KCNH1: variants seen among roughly 807,000 people sequenced by gnomAD.
KCNH1 encodes voltage-gated delayed rectifier potassium channel KCNH1.
A neutral mutation model predicts 69.2 loss-of-function variants in KCNH1; 27 were observed. The ratio of observed to expected loss-of-function variants is 0.39; its 90% CI spans 0.29 to 0.54. The LOEUF is 0.54. KCNH1 is among the 20% of genes least tolerant of loss of function. KCNH1 has a pLI of 0.68. For missense variants in KCNH1, 798 were observed against 1,261.6 expected (o/e 0.63, Z 5.57); for synonymous variants, 456 against 487.7 (o/e 0.93, Z 0.86).
At chr1:210,954,207 C>T (rs943989238) in intron 6 of KCNH1, among the ~76,000 whole-genome samples, 2 of 152,162 alleles carry the variant, frequency 1.3e-5, no homozygotes, top group Non-Finnish European at 2.9e-5. Context: ...TTTCCAGCAT[C>T]GTCCATGTCC....
At chr1:210,963,981 A>G (rs1218594359) in intron 6 of KCNH1, among the ~76,000 whole-genome samples, 2 of 152,180 alleles carry the variant, frequency 1.3e-5, no homozygotes, top group African/African-American at 4.8e-5. Context: ...ACTCCAAGAC[A>G]CATAATTGTC....
intron 10 of KCNH1, among the ~76,000 whole-genome samples, chr1:210,774,076 G>A (rs1683805512): frequency 6.6e-6 from 1 of 152,120 alleles, no homozygotes; most frequent in Admixed American, 6.5e-5. Flanking sequence ...GGTGGGCATG[G>A]GGATAAGTGG....
intron 10 of KCNH1, among the ~76,000 whole-genome samples, chr1:210,710,841 A>G (rs1036365380): frequency 1.3e-5 from 2 of 152,190 alleles, no homozygotes; most frequent in African/African-American, 4.8e-5. Context: ...TTTGAAGGTG[A>G]CATGTTATGT....
At chr1:210,767,239 A>C (rs1453814339) in intron 10 of KCNH1, among the ~76,000 whole-genome samples, 1 of 152,226 alleles carries the variant, frequency 6.6e-6, no homozygotes, top group Admixed American at 6.5e-5. Context: ...GCACATGTGA[A>C]ATGCACTTTG....
chr1:211,123,940 G>A (rs1691733660), intron 1 of KCNH1, among the ~76,000 whole-genome samples: 1 of 152,064 alleles, frequency 6.6e-6, no homozygotes, highest in Admixed American at 6.5e-5. Context: ...CTGGAGGGGA[G>A]GAGACATTTT....
intron 6 of KCNH1, among the ~76,000 whole-genome samples, chr1:211,014,264 C>A (rs78141737): frequency 0.013 from 1,981 of 152,244 alleles, 48 homozygotes; most frequent in African/African-American, 0.045. Context: ...GCACACTAGC[C>A]CAACAATCCA....
intron 6 of KCNH1, among the ~76,000 whole-genome samples, chr1:210,923,989 G>A (rs1404052296): frequency 1.3e-5 from 2 of 152,216 alleles, no homozygotes; most frequent in African/African-American, 2.4e-5. Flanking sequence ...CTTATAAGAA[G>A]AGAAGAGATG....
chr1:210,700,084 A>G (rs1325537385), intron 10 of KCNH1, among the ~76,000 whole-genome samples: 1 of 152,170 alleles, frequency 6.6e-6, no homozygotes, highest in Non-Finnish European at 1.5e-5. Flanking sequence ...AAAATCAGGC[A>G]AGTGAGGAAG....
At chr1:210,863,806 A>T (rs932139095) in intron 7 of KCNH1, among the ~76,000 whole-genome samples, 2 of 152,182 alleles carry the variant, frequency 1.3e-5, no homozygotes, top group African/African-American at 4.8e-5. Context: ...TCTATGCTAA[A>T]CTTGTTCACC....
At chr1:210,937,038 T>C (rs116869142) in intron 6 of KCNH1, among the ~76,000 whole-genome samples, 2 of 152,274 alleles carry the variant, frequency 1.3e-5, no homozygotes, top group East Asian at 3.9e-4. Context: ...TCACTTAGAA[T>C]ACTCTCCTCC....
At chr1:211,017,727 G>C (rs886527832) in intron 6 of KCNH1, among the ~76,000 whole-genome samples, 8 of 152,102 alleles carry the variant, frequency 5.3e-5, no homozygotes, top group African/African-American at 1.9e-4. Context: ...CGCTCATTCA[G>C]AAAATGACTT....
intron 7 of KCNH1, among the ~76,000 whole-genome samples, chr1:210,896,325 C>T (rs976844113): frequency 6.6e-6 from 1 of 152,102 alleles, no homozygotes; most frequent in African/African-American, 2.4e-5. Context: ...TGACAAACCC[C>T]TACCATCAAA....
chr1:211,102,720 G>A (rs1487484591), intron 3 of KCNH1, among the ~76,000 whole-genome samples: 1 of 152,088 alleles, frequency 6.6e-6, no homozygotes, highest in African/African-American at 2.4e-5. Context: ...CAAATTAAAC[G>A]GTTATCCTCA....
chr1:211,103,537 T>C lies in KCNH1; in HGVS notation c.269A>G (p.Tyr90Cys). ...IEKVRQTFEN[Y>C]EMNSFEILMY... ...CAGAATTTCAAAGGAATTCATCTCATAGTTCTCAAATGTTTGCCGCACTTT... is the reference window on the plus strand; with the variant it reads ...CAGAATTTCAAAGGAATTCATCTCACAGTTCTCAAATGTTTGCCGCACTTT... Residue 90 changes from tyrosine to cysteine, a missense_variant, in exon 3 of 11, where the codon TAT becomes TGT. By Grantham distance (194) the Tyr-to-Cys change is radical. Transcript: ENST00000271751. 1.2e-6 allele frequency: 2 copies of C among 1,613,528 alleles called. No homozygotes were observed. The highest frequency in any genetic ancestry group is 1.7e-6 in the Non-Finnish European group (2 of 1,179,618).
intron 7 of KCNH1, among the ~76,000 whole-genome samples, chr1:210,875,163 C>T (rs1686340816): frequency 6.6e-6 from 1 of 152,196 alleles, no homozygotes; most frequent in Non-Finnish European, 1.5e-5. Flanking sequence ...ATGAATTATT[C>T]TTAATAAACC....
intron 7 of KCNH1, chr1:210,859,926 G>A (rs141645380): frequency 2.0e-4 from 288 of 1,473,114 alleles, no homozygotes; most frequent in Non-Finnish European, 2.6e-4. Flanking sequence ...AGCTGCAATT[G>A]CAACTTGCAT....
chr1:211,126,102 C>T (rs1056097409), intron 1 of KCNH1, among the ~76,000 whole-genome samples: 5 of 152,318 alleles, frequency 3.3e-5, no homozygotes, highest in South Asian at 4.1e-4. Flanking sequence ...CAGTGGCTCA[C>T]GCCTGTAATC....
At chr1:210,714,492 T>C (rs1682171507) in intron 10 of KCNH1, among the ~76,000 whole-genome samples, 1 of 152,134 alleles carries the variant, frequency 6.6e-6, no homozygotes, top group African/African-American at 2.4e-5. Flanking sequence ...TCCCTGTCAA[T>C]GGATGGGTTG....
intron 9 of KCNH1, among the ~76,000 whole-genome samples, chr1:210,792,527 T>C (rs1452770322): frequency 2.6e-5 from 4 of 152,066 alleles, no homozygotes; most frequent in Admixed American, 2.6e-4. Context: ...TGTGATAGGC[T>C]TAATAGAAAC....
Sources: allele counts gnomAD v4.1 joint callset (sites outside exome capture counted in the v4.1 genomes callset), GRCh38; gene constraint gnomAD v4.1.1; transcripts MANE v1.5; gene names NCBI Gene and HGNC (gene_info 2026-07-23, HGNC 2026-07-21).